NCOA2: variants seen among roughly 807,000 people sequenced by gnomAD.
NCOA2 encodes the protein nuclear receptor coactivator 2.
In NCOA2, 21 loss-of-function variants were observed where a neutral mutation model predicts 145.1. The observed-to-expected ratio is 0.14, with a 90% confidence interval of 0.10 to 0.21. The LOEUF (loss-of-function observed/expected upper bound fraction) is 0.21, where lower values mean the gene tolerates loss of function less well. NCOA2 is among the 10% of genes least tolerant of loss of function. NCOA2 has a pLI of 1.00. For missense variants in NCOA2, 1,472 were observed against 1,837.6 expected (o/e 0.80, Z 3.64); for synonymous variants, 619 against 637.5 (o/e 0.97, Z 0.44).
chr8:70,396,361 T>C (rs1411919125), intron 1 of NCOA2, among the ~76,000 whole-genome samples: 2 of 152,234 alleles, frequency 1.3e-5, no homozygotes, highest in Admixed American at 1.3e-4. Flanking sequence ...GCAACCTGAA[T>C]ATGCTCTTGC....
At chr8:70,395,056 T>A (rs1813532401) in intron 1 of NCOA2, among the ~76,000 whole-genome samples, 1 of 152,220 alleles carries the variant, frequency 6.6e-6, no homozygotes, top group Non-Finnish European at 1.5e-5. Context: ...TCTACATACA[T>A]GAAATCCTTA....
In NCOA2 at chr8:70,248,512, C is replaced by T. The variant is rs758496431; in HGVS notation, c.-19-31748G>A. Among the ~76,000 whole-genome samples, 10 of 152,090 alleles carry T rather than the reference C, an allele frequency of 6.6e-5. No homozygotes were observed. In the East Asian group the frequency reaches 7.7e-4, roughly 12 times the overall value. On this transcript the variant is annotated intron_variant, in intron 2 of 22. Transcript: ENST00000452400. ...TCTATGTCCTGGCTCCTTTCAGTAC[C>T]AAGCTTTCGAGACGCATCCATATTA... is the stretch of plus-strand genomic sequence containing the variant.
At chr8:70,256,074 G>A (rs28513333) in intron 2 of NCOA2, among the ~76,000 whole-genome samples, 118 of 152,252 alleles carry the variant, frequency 7.8e-4, no homozygotes, top group African/African-American at 2.6e-3. Context: ...CAGAATTAAC[G>A]AACTGAGAGA....
intron 2 of NCOA2, among the ~76,000 whole-genome samples, chr8:70,275,718 G>A (rs866190375): frequency 2.0e-5 from 3 of 152,148 alleles, no homozygotes; most frequent in African/African-American, 7.2e-5. Flanking sequence ...TGATTAATTA[G>A]AACACCAACA....
At chr8:70,361,509 T>C (rs187486936) in intron 1 of NCOA2, among the ~76,000 whole-genome samples, 1 of 152,140 alleles carries the variant, frequency 6.6e-6, no homozygotes, top group Non-Finnish European at 1.5e-5. Flanking sequence ...AAAAACATGA[T>C]TGAATAGAAA....
At chr8:70,293,801 G>C (rs1329380459) in intron 2 of NCOA2, among the ~76,000 whole-genome samples, 1 of 152,132 alleles carries the variant, frequency 6.6e-6, no homozygotes, top group Non-Finnish European at 1.5e-5. Flanking sequence ...CTTAAAATGT[G>C]AGACTAGAAC....
At chr8:70,360,942 CAAAA>C (rs1213854420) in intron 1 of NCOA2, among the ~76,000 whole-genome samples, 1 of 55,326 alleles carries the variant, frequency 1.8e-5, no homozygotes, top group African/African-American at 5.6e-5. Context: ...GATTCCAGCT[CAAAA>C]AAAAAAAAAA....
At chr8:70,283,198 T>C (rs1826007884) in intron 2 of NCOA2, among the ~76,000 whole-genome samples, 1 of 152,226 alleles carries the variant, frequency 6.6e-6, no homozygotes, top group South Asian at 2.1e-4. Context: ...ACAGATATTC[T>C]AGGCAAAAAT....
At chr8:70,267,392 G>GTTTTTT (rs34028372) in intron 2 of NCOA2, among the ~76,000 whole-genome samples, 11 of 102,492 alleles carry the variant, frequency 1.1e-4, no homozygotes, top group Non-Finnish European at 1.8e-4. Flanking sequence ...TTTCCTTTCT[G>GTTTTTT]TTTTTTTTTT....
upstream of NCOA2, among the ~76,000 whole-genome samples, chr8:70,404,037 C>T (rs1814637831): frequency 6.6e-6 from 1 of 152,160 alleles, no homozygotes; most frequent in Admixed American, 6.5e-5. Context: ...TCTCGCGCCC[C>T]CGAGGAAGGG....
the NCOA2 span, among the ~76,000 whole-genome samples, chr8:70,426,380 C>T: frequency 2.6e-5 from 4 of 152,198 alleles, no homozygotes; most frequent in African/African-American, 9.7e-5. Flanking sequence ...TAAGGTATTA[C>T]ACTTTATATA....
intron 4 of NCOA2, among the ~76,000 whole-genome samples, chr8:70,204,730 G>A (rs5017033): frequency 0.76 from 115,453 of 152,066 alleles, 44,919 homozygotes; most frequent in Non-Finnish European, 0.84. Flanking sequence ...GGTGGCTCAC[G>A]CCTGTAATCC....
At chr8:70,215,503 G>A (rs537887709) in intron 3 of NCOA2, among the ~76,000 whole-genome samples, 5 of 152,130 alleles carry the variant, frequency 3.3e-5, no homozygotes, top group Non-Finnish European at 7.4e-5. Flanking sequence ...TGTAGAGAGT[G>A]GAGATTTATT....
chr8:70,140,020 G>T (rs1234722183), intron 14 of NCOA2, among the ~76,000 whole-genome samples: 2 of 152,138 alleles, frequency 1.3e-5, no homozygotes, highest in Non-Finnish European at 2.9e-5. Context: ...TGTACAAGAA[G>T]AGGGCTAACA....
intron 11 of NCOA2, among the ~76,000 whole-genome samples, chr8:70,155,129 C>T (rs1812140172): frequency 6.6e-6 from 1 of 152,124 alleles, no homozygotes; most frequent in Admixed American, 6.5e-5. Flanking sequence ...ATTTTTCAGA[C>T]AATGAGAGCA....
At chr8:70,441,128 GAAA>G in the NCOA2 span, among the ~76,000 whole-genome samples, 1 of 123,742 alleles carries the variant, frequency 8.1e-6, no homozygotes, top group African/African-American at 3.0e-5. Context: ...GAAAGAGAAA[GAAA>G]GAAAGAAAGA....
intron 1 of NCOA2, among the ~76,000 whole-genome samples, chr8:70,390,225 T>C (rs188358648): frequency 1.3e-3 from 204 of 152,326 alleles, no homozygotes; most frequent in Non-Finnish European, 2.3e-3. Flanking sequence ...TAGGTCTCTA[T>C]GTCCCATTCA....
the NCOA2 span, among the ~76,000 whole-genome samples, chr8:70,416,531 T>A: frequency 6.6e-6 from 1 of 152,212 alleles, no homozygotes; most frequent in African/African-American, 2.4e-5. Flanking sequence ...GCAAAGTCCT[T>A]GAGTAATGTT....
At chr8:70,166,487 A>C in intron 7 of NCOA2, 79 bp downstream of exon 7, 1 of 1,473,804 alleles carries the variant, frequency 6.8e-7, no homozygotes, top group Non-Finnish European at 9.4e-7. Context: ...TCTTTGGGTG[A>C]CCACTAATTA....
Sources: gnomAD v4.1 joint callset for allele counts (sites outside exome capture counted in the v4.1 genomes callset) on GRCh38, gnomAD v4.1.1 for gene constraint, MANE v1.5 for transcripts, NCBI Gene and HGNC (gene_info 2026-07-23, HGNC 2026-07-21) for gene names.